PCED1B: variants seen among roughly 807,000 people sequenced by gnomAD.
PCED1B encodes PC-esterase domain-containing protein 1B.
For missense variants in PCED1B, 573 were observed against 573.9 expected (o/e 1.00, Z 0.02); for synonymous variants, 251 against 246.1 (o/e 1.02, Z -0.19).
rs1938811935 is a variant in PCED1B at position 47,103,562 on chromosome 12, ATTCCC to A, written c.-608-550_-608-546del. On this transcript the variant is annotated intron_variant, in intron 1 of 3. Transcript: ENST00000546455. ...CATGTAGCAGAATAGTTCACGAATC[ATTCCC>A]ACAGTAACGTTTGGTCAAACCAATC... Among the ~76,000 whole-genome samples the A allele has an allele frequency of 2.6e-5, 4 of 152,360 alleles. No homozygotes were observed. The South Asian group carries it at 8.3e-4, about 32-fold the overall frequency.
intron 2 of PCED1B, among the ~76,000 whole-genome samples, chr12:47,174,442 A>AAACTAAATAAATAAAT (rs1555145781): frequency 6.6e-6 from 1 of 150,904 alleles, no homozygotes; most frequent in East Asian, 1.9e-4. Context: ...ACAAACAAAC[A>AAACTAAATAAATAAAT]AAATAAATAA....
intron 2 of PCED1B, among the ~76,000 whole-genome samples, chr12:47,192,276 A>G (rs928524137): frequency 3.3e-5 from 5 of 150,528 alleles, no homozygotes; most frequent in Admixed American, 1.3e-4. Flanking sequence ...TTTTGCTTTC[A>G]CTTTCCTTTG....
At position 47,080,898 on chromosome 12, in the gene PCED1B, G is replaced by T. The variant is rs917127710; in HGVS notation, c.-609+1173G>T. Among the ~76,000 whole-genome samples, 10 of 151,604 alleles carry T rather than the reference G, an allele frequency of 6.6e-5. No individual in the cohort carries two copies. The East Asian group carries it at 1.9e-3, about 30-fold the overall frequency. On this transcript the variant is annotated intron_variant, in intron 1 of 3. Coordinates refer to ENST00000546455, the MANE Select transcript of PCED1B (RefSeq NM_138371.3). ...CTCCCCGTCTTTTGCAAGCGTGCTC[G>T]TGGCGCGTGCGGGACAGGGAAGTAA... is the stretch of plus-strand genomic sequence containing the variant.
At chr12:47,137,603 C>T (rs754522638) in intron 2 of PCED1B, among the ~76,000 whole-genome samples, 8 of 151,932 alleles carry the variant, frequency 5.3e-5, no homozygotes, top group Non-Finnish European at 7.4e-5. Flanking sequence ...GTGGTGCACT[C>T]CTGTAGTCTC....
intron 2 of PCED1B, among the ~76,000 whole-genome samples, chr12:47,197,734 T>C (rs533300104): frequency 6.6e-6 from 1 of 152,090 alleles, no homozygotes. Context: ...CCATGGACAT[T>C]AAAAGAATAT....
At chr12:47,114,921 T>C (rs970245934) in intron 2 of PCED1B, among the ~76,000 whole-genome samples, 2 of 152,192 alleles carry the variant, frequency 1.3e-5, no homozygotes, top group African/African-American at 4.8e-5. Flanking sequence ...GGGAAGTAGA[T>C]TTGGGAAGTT....
chr12:47,158,873 G>A (rs895944931), intron 2 of PCED1B, among the ~76,000 whole-genome samples: 2 of 151,998 alleles, frequency 1.3e-5, no homozygotes, highest in Non-Finnish European at 2.9e-5. Flanking sequence ...TATTCCTTCT[G>A]TGTTTGTACT....
At chr12:47,167,107 G>A (rs143154819) in intron 2 of PCED1B, among the ~76,000 whole-genome samples, 1 of 152,226 alleles carries the variant, frequency 6.6e-6, no homozygotes, top group African/African-American at 2.4e-5. Context: ...GAGTTATTGA[G>A]TCCTCTTCTC....
intron 2 of PCED1B, among the ~76,000 whole-genome samples, chr12:47,179,064 C>A (rs566469417): frequency 6.6e-6 from 1 of 152,184 alleles, no homozygotes; most frequent in East Asian, 1.9e-4. Flanking sequence ...ATACAAATTG[C>A]GAATTGGAGC....
chr12:47,150,253 G>A (rs1940940151), intron 2 of PCED1B, among the ~76,000 whole-genome samples: 1 of 152,032 alleles, frequency 6.6e-6, no homozygotes, highest in Admixed American at 6.6e-5. Context: ...CAAAGCCCTG[G>A]TGGAGCTCAT....
At chr12:47,138,569 A>G (rs191832840) in intron 2 of PCED1B, among the ~76,000 whole-genome samples, 17 of 152,326 alleles carry the variant, frequency 1.1e-4, no homozygotes, top group African/African-American at 4.1e-4. Flanking sequence ...CCTGGCTCTC[A>G]GATTAGCTCT....
intron 2 of PCED1B, among the ~76,000 whole-genome samples, chr12:47,124,223 A>T (rs769346440): frequency 6.6e-6 from 1 of 152,012 alleles, no homozygotes; most frequent in African/African-American, 2.4e-5. Flanking sequence ...GCTTTTTACC[A>T]CTATAGATTA....
chr12:47,187,734 C>A (rs754828540), intron 2 of PCED1B: 1 of 153,824 alleles, frequency 6.5e-6, no homozygotes, highest in Non-Finnish European at 1.5e-5. Flanking sequence ...AAATTTTCTT[C>A]ATTGAAGACA....
rs1264080707 is a variant in PCED1B at position 47,147,518 on chromosome 12, A to G, written c.-526+43323A>G. Among the ~76,000 whole-genome samples, 3 of 151,932 alleles carry G rather than the reference A, an allele frequency of 2.0e-5. No individual in the cohort carries two copies. In the East Asian group the frequency reaches 5.8e-4, roughly 29 times the overall value. Reference sequence around the variant, plus strand: ...TGTTTACCATCCATATTCTATTTCTACTGATATCTATTTACTCTCCATATT... The same window carrying G: ...TGTTTACCATCCATATTCTATTTCTGCTGATATCTATTTACTCTCCATATT... On this transcript the variant is annotated intron_variant, in intron 2 of 3. Transcript: ENST00000546455.
intron 2 of PCED1B, among the ~76,000 whole-genome samples, chr12:47,165,221 T>C (rs969507236): frequency 6.6e-6 from 1 of 152,220 alleles, no homozygotes; most frequent in Non-Finnish European, 1.5e-5. Flanking sequence ...GCATGCAGTA[T>C]AGAACAAACC....
chr12:47,181,513 A>T (rs1233205001), intron 2 of PCED1B, among the ~76,000 whole-genome samples: 1 of 151,656 alleles, frequency 6.6e-6, no homozygotes, highest in African/African-American at 2.4e-5. Flanking sequence ...ACAAGTGTGC[A>T]CCACCATGCC....
chr12:47,226,140 A>AGGC (rs1943624618), intron 3 of PCED1B, among the ~76,000 whole-genome samples: 1 of 152,226 alleles, frequency 6.6e-6, no homozygotes. Flanking sequence ...ATTTACTTTG[A>AGGC]AAACAGAAAA....
At position 47,107,135 on chromosome 12, in the gene PCED1B, G is replaced by A. The variant is rs949044255; in HGVS notation, c.-526+2940G>A. On this transcript the variant is annotated intron_variant, in intron 2 of 3. Coordinates refer to ENST00000546455, the MANE Select transcript of PCED1B (RefSeq NM_138371.3). ...TGCCCTGATTCTTTGTTCAGAGTTA[G>A]GGGTGGGCGAGTGTCAACCTTGATA... Among the ~76,000 whole-genome samples the A allele has an allele frequency of 2.6e-5, 4 of 152,316 alleles. No individual in the cohort carries two copies. In the East Asian group the frequency reaches 7.7e-4, roughly 29 times the overall value.
chr12:47,181,287 A>G (rs1408402747), intron 2 of PCED1B, among the ~76,000 whole-genome samples: 1 of 152,058 alleles, frequency 6.6e-6, no homozygotes, highest in Non-Finnish European at 1.5e-5. Flanking sequence ...GCTTGGCCTT[A>G]ACAGTATTTT....
Sources: allele counts gnomAD v4.1 joint callset (sites outside exome capture counted in the v4.1 genomes callset), GRCh38; gene constraint gnomAD v4.1.1; transcripts MANE v1.5; gene names NCBI Gene and HGNC (gene_info 2026-07-23, HGNC 2026-07-21).